The following TNFAIP8 variants were observed in gnomAD, a reference collection of about 807,000 sequenced individuals.
TNFAIP8 encodes TNF alpha induced protein 8.
In TNFAIP8, 7 loss-of-function variants were observed where a neutral mutation model predicts 13.3. The observed-to-expected ratio is 0.52, with a 90% CI of 0.30 to 0.99. The LOEUF (loss-of-function observed/expected upper bound fraction) is 0.99. TNFAIP8 is among the 50% of genes least tolerant of loss of function. The probability of loss-of-function intolerance (pLI) is 0.07; values close to 1 mark genes in which losing one functional copy is unlikely to be tolerated. For missense variants in TNFAIP8, 258 were observed against 236.9 expected (o/e 1.09, Z -0.58); for synonymous variants, 94 against 87.6 (o/e 1.07, Z -0.41).
intron 1 of TNFAIP8, among the ~76,000 whole-genome samples, chr5:119,382,632 A>G (rs980498740): frequency 1.3e-5 from 2 of 152,222 alleles, no homozygotes; most frequent in African/African-American, 2.4e-5. Flanking sequence ...TAAGCACTTT[A>G]TATGGATTAC....
intron 1 of TNFAIP8, among the ~76,000 whole-genome samples, chr5:119,330,705 G>A (rs1021636608): frequency 1.3e-5 from 2 of 152,156 alleles, no homozygotes; most frequent in Non-Finnish European, 1.5e-5. Flanking sequence ...CCGAGATAAC[G>A]TGGAGTACAC....
intron 1 of TNFAIP8, among the ~76,000 whole-genome samples, chr5:119,273,356 G>T (rs1361705074): frequency 6.6e-6 from 1 of 152,234 alleles, no homozygotes; most frequent in Non-Finnish European, 1.5e-5. Context: ...AGGGAAAGTA[G>T]TAACTTGTGT....
At chr5:119,286,044 A>T (rs1226052572) in intron 1 of TNFAIP8, among the ~76,000 whole-genome samples, 5 of 152,198 alleles carry the variant, frequency 3.3e-5, no homozygotes, top group Admixed American at 6.5e-5. Flanking sequence ...TTTTTATTTT[A>T]TACTGTCTGT....
upstream of TNFAIP8, among the ~76,000 whole-genome samples, chr5:119,351,173 C>T (rs1382354737): frequency 6.6e-6 from 1 of 151,968 alleles, no homozygotes; most frequent in Non-Finnish European, 1.5e-5. Flanking sequence ...CAGGCATGCA[C>T]CACCATACTC....
chr5:119,297,941 T>C (rs1581581860), intron 1 of TNFAIP8, among the ~76,000 whole-genome samples: 1 of 152,198 alleles, frequency 6.6e-6, no homozygotes. Context: ...CTGCCTTTTT[T>C]TGTTTTCCAT....
At chr5:119,299,815 G>A (rs922242554) in intron 1 of TNFAIP8, among the ~76,000 whole-genome samples, 19 of 152,172 alleles carry the variant, frequency 1.2e-4, no homozygotes, top group Non-Finnish European at 1.3e-4. Context: ...GGGAAATGGC[G>A]GGCGCCCTTC....
chr5:119,285,629 T>C (rs1331679576), intron 1 of TNFAIP8, among the ~76,000 whole-genome samples: 1 of 152,156 alleles, frequency 6.6e-6, no homozygotes, highest in African/African-American at 2.4e-5. Flanking sequence ...ACAAGGAAAC[T>C]TTGCTAAATT....
intron 1 of TNFAIP8, among the ~76,000 whole-genome samples, chr5:119,348,815 C>T (rs1751006938): frequency 7.0e-6 from 1 of 142,712 alleles, no homozygotes; most frequent in Non-Finnish European, 1.5e-5. Context: ...GGGAGGCAGA[C>T]GTTGCAGTGA....
intron 1 of TNFAIP8, among the ~76,000 whole-genome samples, chr5:119,313,150 GT>G (rs1749784618): frequency 6.6e-6 from 1 of 152,186 alleles, no homozygotes. Flanking sequence ...GAACAATTGG[GT>G]AAGAGTGGTC....
intron 1 of TNFAIP8, among the ~76,000 whole-genome samples, chr5:119,296,335 A>AGG (rs1359995678): frequency 6.6e-6 from 1 of 151,946 alleles, no homozygotes; most frequent in African/African-American, 2.4e-5. Context: ...TTTAGCATGA[A>AGG]GCATTGTTGA....
chr5:119,315,144 G>A (rs1459368792), intron 1 of TNFAIP8, among the ~76,000 whole-genome samples: 2 of 152,180 alleles, frequency 1.3e-5, no homozygotes, highest in Non-Finnish European at 2.9e-5. Context: ...GTGCAGTGGT[G>A]CGATCTCAGC....
intron 1 of TNFAIP8, chr5:119,306,588 C>T (rs1749573735): frequency 6.6e-6 from 1 of 152,172 alleles, no homozygotes; most frequent in Admixed American, 6.5e-5. Flanking sequence ...CTGTCTTGGC[C>T]TCCCAAGTAG....
At chr5:119,306,318 C>CTTTT (rs770923933) in intron 1 of TNFAIP8, 25 of 121,760 alleles carry the variant, frequency 2.1e-4, no homozygotes, top group African/African-American at 9.5e-4. Context: ...TTCTTTCTTT[C>CTTTT]TTTTTCTTTT....
At chr5:119,325,860 G>C (rs1750210173) in intron 1 of TNFAIP8, among the ~76,000 whole-genome samples, 1 of 152,212 alleles carries the variant, frequency 6.6e-6, no homozygotes, top group South Asian at 2.1e-4. Flanking sequence ...TCGGGCTGTA[G>C]CACTTGCTCT....
intron 1 of TNFAIP8, among the ~76,000 whole-genome samples, chr5:119,317,597 A>T (rs57702757): frequency 0.02 from 2,989 of 148,110 alleles, 64 homozygotes; most frequent in African/African-American, 0.057. Flanking sequence ...TAATAATAAT[A>T]ATTATTATTA....
chr5:119,371,579 G>A (rs563826680), intron 1 of TNFAIP8, among the ~76,000 whole-genome samples: 2 of 150,452 alleles, frequency 1.3e-5, no homozygotes, highest in Admixed American at 6.6e-5. Context: ...TTAATTTTCA[G>A]ATTTGGAAAA....
intron 1 of TNFAIP8, among the ~76,000 whole-genome samples, chr5:119,291,060 G>A (rs941214480): frequency 6.6e-6 from 1 of 152,092 alleles, no homozygotes; most frequent in Non-Finnish European, 1.5e-5. Context: ...TGACCTTTAG[G>A]GTTTTGGTGC....
intron 1 of TNFAIP8, among the ~76,000 whole-genome samples, chr5:119,366,788 G>T (rs1751873853): frequency 6.6e-6 from 1 of 152,208 alleles, no homozygotes; most frequent in Admixed American, 6.5e-5. Flanking sequence ...GGTAGAACTG[G>T]TTTAAATTAT....
At chr5:119,381,003 T>C (rs915174919) in intron 1 of TNFAIP8, among the ~76,000 whole-genome samples, 6 of 152,218 alleles carry the variant, frequency 3.9e-5, no homozygotes, top group African/African-American at 1.4e-4. Flanking sequence ...AAATTTTAAG[T>C]ATGGCATTCT....
Sources: allele counts gnomAD v4.1 joint callset (sites outside exome capture counted in the v4.1 genomes callset), GRCh38; gene constraint gnomAD v4.1.1; transcripts MANE v1.5; gene names NCBI Gene and HGNC (gene_info 2026-07-23, HGNC 2026-07-21).